Variants in PTPRN2 observed in about 807,000 individuals in gnomAD.
PTPRN2 encodes the protein protein tyrosine phosphatase receptor type N2.
In PTPRN2, 74 loss-of-function variants were observed where a neutral mutation model predicts 118.8. The ratio of observed to expected loss-of-function variants is 0.62; its 90% CI spans 0.52 to 0.76. The LOEUF (loss-of-function observed/expected upper bound fraction) is 0.76, where lower values mean the gene tolerates loss of function less well. Among genes scored for constraint, PTPRN2 ranks in the 30% least tolerant of loss-of-function variants. The pLI is 0.00. For synonymous variants in PTPRN2, 641 were observed against 608.0 expected, an observed-to-expected ratio of 1.05 and a Z score of -0.80; for missense variants, 1,481 against 1,394.4, an observed-to-expected ratio of 1.06 and a Z score of -0.99.
intron 12 of PTPRN2, among the ~76,000 whole-genome samples, chr7:157,709,722 C>T (rs1798506123): frequency 6.6e-6 from 1 of 152,230 alleles, no homozygotes; most frequent in East Asian, 1.9e-4. Flanking sequence ...TCAGATTCAG[C>T]CCGGCGTGCC....
chr7:158,097,260 G>A (rs1429329519), intron 10 of PTPRN2, among the ~76,000 whole-genome samples: 1 of 152,066 alleles, frequency 6.6e-6, no homozygotes, highest in African/African-American at 2.4e-5. Context: ...GGAGGGGCCC[G>A]GGCAGCACTG....
At chr7:158,217,046 G>A (rs529584451) in intron 3 of PTPRN2, among the ~76,000 whole-genome samples, 9 of 152,298 alleles carry the variant, frequency 5.9e-5, no homozygotes, top group Admixed American at 2.0e-4. Flanking sequence ...AAAATTCATG[G>A]CACATACAGT....
chr7:158,076,661 C>A (rs968522797), intron 11 of PTPRN2, among the ~76,000 whole-genome samples: 4 of 152,338 alleles, frequency 2.6e-5, no homozygotes, highest in Admixed American at 6.5e-5. Flanking sequence ...GACCCCACAT[C>A]CAGGCTGCAC....
chr7:157,803,812 A>C (rs1290511232), intron 12 of PTPRN2, among the ~76,000 whole-genome samples: 1 of 152,048 alleles, frequency 6.6e-6, no homozygotes, highest in Non-Finnish European at 1.5e-5. Context: ...TGTTTTAATA[A>C]CCATAGCTTT....
chr7:158,523,057 T>C (rs1824331892), intron 1 of PTPRN2, among the ~76,000 whole-genome samples: 1 of 152,220 alleles, frequency 6.6e-6, no homozygotes, highest in Non-Finnish European at 1.5e-5. Flanking sequence ...TCACCGTGGC[T>C]GCTGACATCT....
chr7:157,946,210 G>T (rs1408487814), intron 11 of PTPRN2, among the ~76,000 whole-genome samples: 2 of 152,036 alleles, frequency 1.3e-5, no homozygotes, highest in Non-Finnish European at 2.9e-5. Context: ...AACAACCAAA[G>T]CAACTGTCTG....
chr7:158,575,977 A>G (rs1380965554), intron 1 of PTPRN2, among the ~76,000 whole-genome samples: 1 of 152,202 alleles, frequency 6.6e-6, no homozygotes, highest in Non-Finnish European at 1.5e-5. Context: ...TCCTTTTTCA[A>G]GTGATCAAAA....
In PTPRN2 at chr7:158,272,810, G is replaced by A. The variant is rs571447572; in HGVS notation, c.277+44009C>T. Among the ~76,000 whole-genome samples the A allele has an allele frequency of 2.0e-3, 302 of 152,298 alleles. 1 individual carries two copies. The highest frequency in any genetic ancestry group is 6.8e-3 in the African/African-American group (284 of 41,544). On this transcript the variant is annotated intron_variant, in intron 3 of 22. Coordinates refer to ENST00000389418, the MANE Select transcript of PTPRN2 (RefSeq NM_002847.5). ...GTGTGAGGGCCATCGGGGAGGTGCC[G>A]CCGGCAGAAGGAGAGGTGGGAAGGC... is the stretch of plus-strand genomic sequence containing the variant.
rs569187827 is a variant in PTPRN2, at chr7:157,624,938, T to G, written c.2197-3429A>C. ...GGCTAAGGACATGAATAGACAATTC[T>G]CAAAAGAAGATATACAAATGACCAA... is the stretch of plus-strand genomic sequence containing the variant. On this transcript the variant is annotated intron_variant, in intron 14 of 22. Transcript: ENST00000389418. Among the ~76,000 whole-genome samples, 5 of 152,230 alleles carry G rather than the reference T, an allele frequency of 3.3e-5. No individual in the cohort carries two copies. The South Asian group carries it at 1.0e-3, about 32-fold the overall frequency.
At chr7:158,277,573 A>G (rs2335478) in intron 3 of PTPRN2, among the ~76,000 whole-genome samples, 145,409 of 152,234 alleles carry the variant, frequency 0.96, 69,496 homozygotes, top group African/African-American at 0.99. Flanking sequence ...ACAGCTCCCG[A>G]GGCCTGCCAG....
chr7:158,253,152 G>C (rs943486223), intron 3 of PTPRN2, among the ~76,000 whole-genome samples: 3 of 152,188 alleles, frequency 2.0e-5, no homozygotes, highest in Non-Finnish European at 4.4e-5. Flanking sequence ...ATAAATACAT[G>C]AGCCTTTTCT....
chr7:158,197,532 C>A (rs954936369), intron 4 of PTPRN2, among the ~76,000 whole-genome samples: 8 of 152,102 alleles, frequency 5.3e-5, no homozygotes, highest in African/African-American at 1.4e-4. Context: ...ATTGATAAAC[C>A]CACCATGTTT....
intron 2 of PTPRN2, among the ~76,000 whole-genome samples, chr7:158,431,212 CACTGGCTT>C (rs1816145571): frequency 6.6e-6 from 1 of 151,172 alleles, no homozygotes; most frequent in Non-Finnish European, 1.5e-5. Context: ...ACTGGGCCCA[CACTGGCTT>C]ACACTGGGTA....
chr7:158,045,542 C>A (rs10234599), intron 11 of PTPRN2, among the ~76,000 whole-genome samples: 66,388 of 152,014 alleles, frequency 0.44, 15,465 homozygotes, highest in Non-Finnish European at 0.53. Context: ...AGGACGTGGG[C>A]GCAGCTGGCA....
chr7:158,403,004 C>T (rs1326018050), intron 2 of PTPRN2, among the ~76,000 whole-genome samples: 1 of 152,250 alleles, frequency 6.6e-6, no homozygotes, highest in African/African-American at 2.4e-5. Flanking sequence ...AGCCCCATCC[C>T]TTACAACCAA....
At chr7:157,963,973 C>G (rs1801721281) in intron 11 of PTPRN2, among the ~76,000 whole-genome samples, 2 of 152,162 alleles carry the variant, frequency 1.3e-5, no homozygotes. Context: ...AGGTATGAGC[C>G]ACTGCACCCA....
At chr7:158,104,646 C>T (rs1585450088) in intron 10 of PTPRN2, among the ~76,000 whole-genome samples, 1 of 151,964 alleles carries the variant, frequency 6.6e-6, no homozygotes, top group Non-Finnish European at 1.5e-5. Context: ...ATCCCAAAAT[C>T]CATCCCAGCT....
rs1802997531 is a variant in PTPRN2 at position 157,619,175 on chromosome 7, A to G, written c.2344+2187T>C. On this transcript the variant is annotated intron_variant, in intron 15 of 22. Transcript: ENST00000389418. The surrounding 1 kb of genome is among the most constrained non-coding windows in gnomAD (Gnocchi z 5.3). Reference sequence around the variant, plus strand: ...CAGAGCCCAGAAGGCTGCAGGGCACACGGGAGGAAAACCCCATCGGCAGGT... The same window carrying G: ...CAGAGCCCAGAAGGCTGCAGGGCACGCGGGAGGAAAACCCCATCGGCAGGT... Among the ~76,000 whole-genome samples, 1 of 152,096 alleles carries G rather than the reference A, an allele frequency of 6.6e-6. No homozygotes were observed. The highest frequency in any genetic ancestry group is 6.5e-5 in the Admixed American group (1 of 15,270).
chr7:157,663,806 T>A (rs1194740089), intron 13 of PTPRN2, among the ~76,000 whole-genome samples: 1 of 152,276 alleles, frequency 6.6e-6, no homozygotes, highest in Non-Finnish European at 1.5e-5. Context: ...TCCAAATTCA[T>A]AATGGAAATT....
Sources: allele counts gnomAD v4.1 joint callset (sites outside exome capture counted in the v4.1 genomes callset), GRCh38; gene constraint gnomAD v4.1.1; non-coding constraint Gnocchi (gnomAD v3.1); transcripts MANE v1.5; gene names NCBI Gene and HGNC (gene_info 2026-07-23, HGNC 2026-07-21).